The following RABGAP1L variants were observed in gnomAD, a reference collection of about 807,000 sequenced individuals.
RABGAP1L encodes the protein RAB GTPase activating protein 1 like, also known as rab GTPase-activating protein 1-like.
RABGAP1L carries 63 observed loss-of-function variants against 137.7 expected under a neutral mutation model. The observed-to-expected ratio is 0.46, with a 90% CI of 0.37 to 0.56. RABGAP1L has a LOEUF of 0.56. Among genes scored for constraint, RABGAP1L ranks in the 20% least tolerant of loss-of-function variants. RABGAP1L has a pLI of 0.00. For synonymous variants in RABGAP1L, 431 were observed against 433.7 expected (o/e 0.99, Z 0.08); for missense variants, 1,095 against 1,244.0 (o/e 0.88, Z 1.80).
intron 19 of RABGAP1L, among the ~76,000 whole-genome samples, chr1:174,842,527 T>C (rs975178417): frequency 1.3e-5 from 2 of 152,204 alleles, no homozygotes; most frequent in Non-Finnish European, 2.9e-5. Context: ...TACTGTTTCA[T>C]TTATCTTCAT....
intron 7 of RABGAP1L, among the ~76,000 whole-genome samples, chr1:174,254,114 G>T (rs559625679): frequency 9.9e-5 from 15 of 151,946 alleles, no homozygotes; most frequent in Admixed American, 8.5e-4. Context: ...TTTTTAGAAG[G>T]TAGGCTATCT....
rs3084003 is a variant in RABGAP1L, at chr1:174,707,218, CTGTTTTGTTTTGTTT to C, written c.2169+4984_2169+4998del. ...TTGTGATCAAGGGCAAGGTTTTGTT[CTGTTTTGTTTTGTTT>C]TGTTTTGTTTTGTTTTGTTTTTAGG... On this transcript the variant is annotated intron_variant, in intron 17 of 25. Transcript: ENST00000681986. 8.1e-4 allele frequency among the ~76,000 whole-genome samples: 122 copies of C among 150,506 alleles called. 1 individual carries two copies. Among genetic ancestry groups the C allele is most frequent in the South Asian group, 6.6e-3 (31 of 4,730 alleles).
intron 13 of RABGAP1L, among the ~76,000 whole-genome samples, chr1:174,453,442 AT>A (rs1655667911): frequency 6.6e-6 from 1 of 152,242 alleles, no homozygotes; most frequent in African/African-American, 2.4e-5. Context: ...GAAGGTAATC[AT>A]TAGATGTGAA....
chr1:174,948,460 A>T (rs1322291605), intron 19 of RABGAP1L, among the ~76,000 whole-genome samples: 1 of 142,734 alleles, frequency 7.0e-6, no homozygotes, highest in Non-Finnish European at 1.5e-5. Flanking sequence ...TCGAGGCTAC[A>T]GTGAGCGGCA....
intron 19 of RABGAP1L, among the ~76,000 whole-genome samples, chr1:174,947,879 C>T (rs922375630): frequency 6.6e-6 from 1 of 152,168 alleles, no homozygotes; most frequent in Non-Finnish European, 1.5e-5. Flanking sequence ...TATTTTGGGA[C>T]ACTAAAATAG....
intron 13 of RABGAP1L, among the ~76,000 whole-genome samples, chr1:174,404,709 A>C (rs1399258089): frequency 6.6e-6 from 1 of 152,190 alleles, no homozygotes; most frequent in Admixed American, 6.5e-5. Flanking sequence ...AACTGAAAAA[A>C]TATCGATTGA....
At chr1:174,206,695 G>A (rs1668524538) in intron 1 of RABGAP1L, among the ~76,000 whole-genome samples, 1 of 152,126 alleles carries the variant, frequency 6.6e-6, no homozygotes, top group African/African-American at 2.4e-5. Context: ...GGCACTGAAG[G>A]AAATTAGATC....
chr1:174,891,720 G>C (rs1278175463), intron 19 of RABGAP1L, among the ~76,000 whole-genome samples: 1 of 152,042 alleles, frequency 6.6e-6, no homozygotes, highest in Non-Finnish European at 1.5e-5. Flanking sequence ...GCTCAGGCTG[G>C]TCTTGAACGC....
At chr1:174,782,476 TG>T (rs1687091680) in intron 18 of RABGAP1L, among the ~76,000 whole-genome samples, 1 of 152,312 alleles carries the variant, frequency 6.6e-6, no homozygotes, top group African/African-American at 2.4e-5. Flanking sequence ...GCTGAGACGA[TG>T]GGGTTTTCTA....
intron 19 of RABGAP1L, among the ~76,000 whole-genome samples, chr1:174,890,817 T>A (rs951655600): frequency 1.3e-5 from 2 of 152,232 alleles, no homozygotes; most frequent in African/African-American, 4.8e-5. Flanking sequence ...GTGTCCTTGT[T>A]CATTTGAAAG....
Position 174,216,891 on chromosome 1 carries a change from T to C in RABGAP1L, c.-33-2234T>C, listed in dbSNP as rs1212891468. Among the ~76,000 whole-genome samples, 7 of 151,594 alleles carry C rather than the reference T, an allele frequency of 4.6e-5. No homozygotes were observed. In the East Asian group the frequency reaches 1.3e-3, roughly 29 times the overall value. On this transcript the variant is annotated intron_variant, in intron 1 of 25. Transcript: ENST00000681986. ...AAAAGGTTTTGGTCTGGAGTTTTCA[T>C]GTAATCTAATTTATTTTCCGAAAAA...
intron 10 of RABGAP1L, 53 bp downstream of exon 10, chr1:174,278,832 A>G (rs1451688991): frequency 1.5e-6 from 2 of 1,315,158 alleles, no homozygotes; most frequent in East Asian, 2.7e-5. Flanking sequence ...TTCTTTCCAC[A>G]CTTCTTTTTT....
chr1:174,590,123 C>CTTTTTTTTTTTTTTT (rs1166364912), intron 13 of RABGAP1L, among the ~76,000 whole-genome samples: 4 of 59,780 alleles, frequency 6.7e-5, no homozygotes, highest in Non-Finnish European at 9.5e-5. Context: ...TCTTCAGTTT[C>CTTTTTTTTTTTTTTT]TTTTTTTTTT....
intron 13 of RABGAP1L, among the ~76,000 whole-genome samples, chr1:174,410,809 C>A (rs1242405038): frequency 1.3e-5 from 2 of 152,018 alleles, no homozygotes; most frequent in African/African-American, 4.8e-5. Context: ...AAATAGCATT[C>A]AATCTCTTGC....
intron 13 of RABGAP1L, among the ~76,000 whole-genome samples, chr1:174,412,189 G>C (rs957183869): frequency 1.3e-5 from 2 of 152,050 alleles, no homozygotes; most frequent in Non-Finnish European, 2.9e-5. Flanking sequence ...AAGTCTTCTT[G>C]TTGAATTGAA....
intron 17 of RABGAP1L, among the ~76,000 whole-genome samples, chr1:174,734,846 A>G (rs1308599575): frequency 6.6e-6 from 1 of 151,654 alleles, no homozygotes; most frequent in East Asian, 1.9e-4. Context: ...AAATTCTTGC[A>G]CCTTTCCTAC....
At chr1:174,778,584 A>G (rs866373234) in intron 18 of RABGAP1L, among the ~76,000 whole-genome samples, 1 of 152,060 alleles carries the variant, frequency 6.6e-6, no homozygotes, top group Non-Finnish European at 1.5e-5. Context: ...TTCAACAATA[A>G]GTCCTTGAAC....
intron 7 of RABGAP1L, among the ~76,000 whole-genome samples, chr1:174,262,956 A>T (rs1359620942): frequency 6.6e-6 from 1 of 152,212 alleles, no homozygotes; most frequent in African/African-American, 2.4e-5. Context: ...TGCTTATTGT[A>T]AGATCCAGGG....
chr1:174,382,364 G>T (rs1686233474), intron 12 of RABGAP1L, among the ~76,000 whole-genome samples: 1 of 35,838 alleles, frequency 2.8e-5, no homozygotes, highest in African/African-American at 1.2e-4. Flanking sequence ...AAGTTCTCCT[G>T]GATAATATCC....
Sources: gnomAD v4.1 joint callset for allele counts (sites outside exome capture counted in the v4.1 genomes callset) on GRCh38, gnomAD v4.1.1 for gene constraint, MANE v1.5 for transcripts, NCBI Gene and HGNC (gene_info 2026-07-23, HGNC 2026-07-21) for gene names.